Variants in SKIC8 observed in about 807,000 individuals in gnomAD.
SKIC8 encodes SKI8 subunit of superkiller complex, also known as superkiller complex protein 8.
chr15:78,291,205 G>A, the SKIC8 span: 2 of 152,112 alleles, frequency 1.3e-5, no homozygotes, highest in Non-Finnish European at 2.9e-5. Context: ...CCTTTTACTT[G>A]GAACCAATCC....
the SKIC8 span, chr15:78,288,900 C>A: frequency 6.6e-6 from 3 of 452,882 alleles, no homozygotes; most frequent in Non-Finnish European, 1.3e-5. Context: ...GGACAGTGGG[C>A]ACAATACTTT....
chr15:78,288,206 G>T, the SKIC8 span: 1 of 1,441,322 alleles, frequency 6.9e-7, no homozygotes. Flanking sequence ...GTCTTTACTA[G>T]GGCTCCTCCC....
At chr15:78,296,143 T>TA in the SKIC8 span, 10 of 153,406 alleles carry the variant, frequency 6.5e-5, no homozygotes, top group African/African-American at 2.4e-4. Flanking sequence ...AAAATGCCTT[T>TA]AAGAGCCAAC....
chr15:78,295,725 T>A, the SKIC8 span: 1 of 1,524,926 alleles, frequency 6.6e-7, no homozygotes, highest in Non-Finnish European at 8.8e-7. Context: ...GCCAGACAGC[T>A]CTGTGGAAAC....
the SKIC8 span, chr15:78,285,112 C>G: frequency 1.4e-6 from 1 of 691,340 alleles, no homozygotes. Flanking sequence ...GGAACTCTGG[C>G]TACATGGATG....
At chr15:78,292,524 A>G in the SKIC8 span, 1 of 1,544,556 alleles carries the variant, frequency 6.5e-7, no homozygotes, top group Non-Finnish European at 8.9e-7. Flanking sequence ...CAAATCCAAA[A>G]AATTCTGAGC....
the SKIC8 span, chr15:78,288,422 T>C: frequency 1.3e-6 from 2 of 1,592,614 alleles, no homozygotes; most frequent in Non-Finnish European, 1.7e-6. Context: ...GGTGAACCAC[T>C]GCCTCCTCAC....
chr15:78,290,200 T>G, the SKIC8 span: 1 of 1,265,980 alleles, frequency 7.9e-7, no homozygotes, highest in Non-Finnish European at 1.1e-6. Flanking sequence ...TAAATCGGAG[T>G]AGCAGTGTCC....
chr15:78,288,403 T>A, the SKIC8 span: 1 of 1,611,214 alleles, frequency 6.2e-7, no homozygotes, highest in African/African-American at 1.3e-5. Context: ...TAAAGGCCCT[T>A]GTTAATCTGG....
chr15:78,286,064 A>G, the SKIC8 span: 19 of 1,613,688 alleles, frequency 1.2e-5, 1 homozygote, highest in Non-Finnish European at 1.6e-5. Flanking sequence ...GAGTGTCATC[A>G]GGACAGAATG....
the SKIC8 span, among the ~76,000 whole-genome samples, chr15:78,293,667 A>G: frequency 6.6e-6 from 1 of 152,354 alleles, no homozygotes; most frequent in East Asian, 1.9e-4. Context: ...ATCTTTCGAA[A>G]CAAGCAGGCA....
chr15:78,293,283 AAGTGCTT>A, the SKIC8 span: 1 of 1,612,886 alleles, frequency 6.2e-7, no homozygotes, highest in Non-Finnish European at 8.5e-7. Flanking sequence ...CTAGAATGGA[AAGTGCTT>A]CATTTATAAA....
the SKIC8 span, chr15:78,290,633 T>TAGACCCAAATTCATC: frequency 6.6e-6 from 1 of 152,450 alleles, no homozygotes; most frequent in Non-Finnish European, 1.5e-5. Flanking sequence ...CTACATTCAT[T>TAGACCCAAATTCATC]AGACCCAAAT....
At chr15:78,286,499 G>A in the SKIC8 span, 1 of 194,548 alleles carries the variant, frequency 5.1e-6, no homozygotes, top group Non-Finnish European at 1.1e-5. Flanking sequence ...GAGGAGAAGG[G>A]CAGGTTCAGA....
the SKIC8 span, among the ~76,000 whole-genome samples, chr15:78,297,751 T>A: frequency 2.0e-5 from 3 of 152,224 alleles, no homozygotes; most frequent in African/African-American, 7.2e-5. Flanking sequence ...CTCGCAATTC[T>A]ACCCATTGGC....
the SKIC8 span, chr15:78,288,235 T>G: frequency 9.4e-6 from 15 of 1,588,002 alleles, no homozygotes; most frequent in Admixed American, 2.5e-4. Context: ...CTTGTAACAA[T>G]AAAGGGACAA....
At chr15:78,289,852 C>A in the SKIC8 span, 1 of 1,552,306 alleles carries the variant, frequency 6.4e-7, no homozygotes, top group Non-Finnish European at 8.8e-7. Flanking sequence ...ACAGCAGCTG[C>A]CTGACCAGAC....
At chr15:78,294,322 C>T in the SKIC8 span, among the ~76,000 whole-genome samples, 7 of 152,202 alleles carry the variant, frequency 4.6e-5, no homozygotes, top group Non-Finnish European at 8.8e-5. Flanking sequence ...TCAAACTCAT[C>T]GAGGCTATAG....
At chr15:78,293,276 G>GACT in the SKIC8 span, 1 of 1,613,710 alleles carries the variant, frequency 6.2e-7, no homozygotes, top group Non-Finnish European at 8.5e-7. Flanking sequence ...TCATGGGCTA[G>GACT]AATGGAAAGT....
Sources: gnomAD v4.1 joint callset for allele counts (sites outside exome capture counted in the v4.1 genomes callset) on GRCh38, gnomAD v4.1.1 for gene constraint, MANE v1.5 for transcripts, NCBI Gene and HGNC (gene_info 2026-07-23, HGNC 2026-07-21) for gene names.